The following NR5A1 variants were observed in gnomAD, a reference collection of about 807,000 sequenced individuals.
The protein encoded by NR5A1 is nuclear receptor subfamily 5 group A member 1.
NR5A1 carries 6 observed loss-of-function variants against 42.7 expected under a neutral mutation model. The ratio of observed to expected loss-of-function variants is 0.14; its 90% CI spans 0.08 to 0.28. The LOEUF is 0.28. Ranked by LOEUF, NR5A1 falls within the 10% of genes least tolerant of loss-of-function variation. The pLI, the probability that NR5A1 is intolerant of heterozygous loss-of-function variation, is 1.00. For missense variants in NR5A1, 442 were observed against 626.4 expected (o/e 0.71, Z 3.14); for synonymous variants, 274 against 277.5 (o/e 0.99, Z 0.12).
chr9:124,484,571 T>C (rs957426208), intron 6 of NR5A1, among the ~76,000 whole-genome samples: 1 of 151,974 alleles, frequency 6.6e-6, no homozygotes, highest in African/African-American at 2.4e-5. Flanking sequence ...GCCAACATGG[T>C]GAAACCCCAT....
At position 124,503,224 on chromosome 9, in the gene NR5A1, C is replaced by A. The variant is rs750148726; in HGVS notation, c.103-4G>T. ...GCACCGTGCGCTTGAAGAAGCCCTG[C>A]GGGAGCTGAGAGTCAGCGAGGCCCC... On this transcript the variant is annotated splice_polypyrimidine_tract_variant and splice_region_variant and intron_variant, in intron 2 of 6. Transcript: ENST00000373588. The surrounding 1 kb of genome is among the most constrained non-coding windows in gnomAD (Gnocchi z 9.6). 1.1e-5 allele frequency: 17 copies of A among 1,597,526 alleles called. No individual in the cohort carries two copies. Among genetic ancestry groups the A allele is most frequent in the African/African-American group, 1.3e-5 (1 of 74,298 alleles).
chr9:124,492,902 G>C (rs1832338397), intron 5 of NR5A1, 128 bp downstream of exon 5: 4 of 1,149,316 alleles, frequency 3.5e-6, no homozygotes. Context: ...CGTGGGGAAA[G>C]GGCTGATAAT....
At position 124,493,209 on chromosome 9, in the gene NR5A1, C is replaced by A; in HGVS notation, c.871-60G>T. On this transcript the variant is annotated intron_variant, in intron 4 of 6. Coordinates refer to ENST00000373588, the MANE Select transcript of NR5A1 (RefSeq NM_004959.5). ...AGCCAGGGTCCAGGGACCTTCCTCTCACCCCTTCTCCTCCCACTGAGACCC... is the reference window on the plus strand; with the variant it reads ...AGCCAGGGTCCAGGGACCTTCCTCTAACCCCTTCTCCTCCCACTGAGACCC... 2.6e-6 allele frequency: 4 copies of A among 1,563,920 alleles called. No individual in the cohort carries two copies. In the South Asian group the frequency reaches 4.7e-5, roughly 18 times the overall value.
chr9:124,497,704 A>C (rs959580312), intron 4 of NR5A1, among the ~76,000 whole-genome samples: 22 of 152,104 alleles, frequency 1.4e-4, no homozygotes, highest in Non-Finnish European at 2.6e-4. Flanking sequence ...CTGCCCAAGG[A>C]CCCACTCCTG....
chr9:124,504,384 G>GA (rs1402942855), intron 1 of NR5A1, among the ~76,000 whole-genome samples: 24 of 152,074 alleles, frequency 1.6e-4, no homozygotes, highest in Non-Finnish European at 2.8e-4. Flanking sequence ...GCAGGAGGCG[G>GA]AAAACGACGG....
chr9:124,489,535 A>C (rs551733222), intron 6 of NR5A1, among the ~76,000 whole-genome samples: 1 of 152,366 alleles, frequency 6.6e-6, no homozygotes, highest in African/African-American at 2.4e-5. Flanking sequence ...TAATTCCTGC[A>C]GGCTCCACGC....
At position 124,500,024 on chromosome 9, in the gene NR5A1, G is replaced by T; in HGVS notation, c.870+66C>A. Reference sequence around the variant, plus strand: ...GGATGGCCCTATCCAAAGGACAGTCGGGCTAAGGCTTGGGCAGCCGGGAGG... The same window carrying T: ...GGATGGCCCTATCCAAAGGACAGTCTGGCTAAGGCTTGGGCAGCCGGGAGG... On this transcript the variant is annotated intron_variant, in intron 4 of 6. Coordinates refer to ENST00000373588, the MANE Select transcript of NR5A1 (RefSeq NM_004959.5). This position sits in a 1 kb window ranked among gnomAD's most constrained non-coding sequence, Gnocchi z 6.9. 2 of 1,610,798 alleles carry T rather than the reference G, an allele frequency of 1.2e-6. No individual in the cohort carries two copies. Among genetic ancestry groups the T allele is most frequent in the South Asian group, 2.2e-5 (2 of 90,834 alleles).
chr9:124,487,555 G>A (rs760543551), intron 6 of NR5A1, among the ~76,000 whole-genome samples: 19 of 152,258 alleles, frequency 1.2e-4, no homozygotes, highest in Admixed American at 5.2e-4. Flanking sequence ...GCGCCCTCCC[G>A]AGACGGCTAT....
intron 3 of NR5A1, among the ~76,000 whole-genome samples, chr9:124,502,655 C>A (rs1332616219): frequency 1.3e-5 from 2 of 152,192 alleles, no homozygotes; most frequent in Admixed American, 1.3e-4. Flanking sequence ...GGGAAATCTG[C>A]GGTTTAGAGA....
At chr9:124,488,075 A>G (rs1832249866) in intron 6 of NR5A1, among the ~76,000 whole-genome samples, 1 of 149,992 alleles carries the variant, frequency 6.7e-6, no homozygotes, top group Admixed American at 6.6e-5. Flanking sequence ...GCCACACAGA[A>G]CTTTCAGGAT....
chr9:124,491,051 C>T (rs1832299804), intron 6 of NR5A1, 30 bp downstream of exon 6: 1 of 610,914 alleles, frequency 1.6e-6, no homozygotes, highest in African/African-American at 2.0e-5. Flanking sequence ...CTGGCTGTCT[C>T]CACCTCTCTG....
Position 124,496,632 on chromosome 9 carries a change from C to T in NR5A1, c.870+3458G>A, listed in dbSNP as rs1253899313. On this transcript the variant is annotated intron_variant, in intron 4 of 6. Coordinates refer to ENST00000373588, the MANE Select transcript of NR5A1 (RefSeq NM_004959.5). The surrounding 1 kb of genome is among the most constrained non-coding windows in gnomAD (Gnocchi z 5.0). ...GGTGGGCTGTGTAATTCTCTGGTGG[C>T]TGACACACCACGGGCTGGCCACTGC... is the stretch of plus-strand genomic sequence containing the variant. 6.6e-6 allele frequency among the ~76,000 whole-genome samples: 1 copy of T among 152,186 alleles called. No individual in the cohort carries two copies. The highest frequency in any genetic ancestry group is 1.5e-5 in the Non-Finnish European group (1 of 68,020).
rs984759047 is a variant in NR5A1 at position 124,501,052 on chromosome 9, C to G, written c.245-337G>C. 3.4e-6 allele frequency: 2 copies of G among 590,352 alleles called. No homozygotes were observed. Among genetic ancestry groups the G allele is most frequent in the Non-Finnish European group, 6.6e-6 (2 of 304,902 alleles). 36.6% of individuals were successfully genotyped at this position (590,352 alleles called of 1,614,324 possible). ...CTCTTGTGCTTGCTGAACACCCAGC[C>G]TCAATGTCACTACTTCCAGGAAGCA... On this transcript the variant is annotated intron_variant, in intron 3 of 6. Transcript: ENST00000373588. This position sits in a 1 kb window ranked among gnomAD's most constrained non-coding sequence, Gnocchi z 4.1.
rs369688013 is a variant in NR5A1 at position 124,503,341 on chromosome 9, T to G, written c.55A>C (p.Lys19Gln). Residue 19 changes from lysine to glutamine, a missense_variant, in exon 2 of 7, where the codon AAG (lysine) becomes CAG (glutamine). Physicochemically the swap from Lys to Gln is moderately conservative, Grantham distance 53. Coordinates refer to ENST00000373588, the MANE Select transcript of NR5A1 (RefSeq NM_004959.5). The surrounding 1 kb of genome is among the most constrained non-coding windows in gnomAD (Gnocchi z 9.6). ...AGTCCGTAGTGGTAGCCGGACACCTTGTCCCCGCACACGGGGCACAGCTCG... is the reference window on the plus strand; with the variant it reads ...AGTCCGTAGTGGTAGCCGGACACCTGGTCCCCGCACACGGGGCACAGCTCG... ...LDELCPVCGD[K>Q]VSGYHYGLLT... is the part of the protein sequence containing the mutation. 6.2e-7 allele frequency: 1 copy of G among 1,611,758 alleles called. No individual in the cohort carries two copies. The highest frequency in any genetic ancestry group is 8.5e-7 in the Non-Finnish European group (1 of 1,179,558).
intron 3 of NR5A1, among the ~76,000 whole-genome samples, chr9:124,502,286 TTTTC>T (rs1367521010): frequency 3.9e-5 from 6 of 152,192 alleles, no homozygotes; most frequent in African/African-American, 4.8e-5. Context: ...CCCATTTTTC[TTTTC>T]TTTCTTTCTC....
intron 6 of NR5A1, among the ~76,000 whole-genome samples, chr9:124,486,750 C>G (rs977197597): frequency 6.6e-6 from 1 of 152,212 alleles, no homozygotes; most frequent in Non-Finnish European, 1.5e-5. Context: ...CAGCGGATAA[C>G]ACATGTGACG....
chr9:124,494,565 G>C (rs1188597534), intron 4 of NR5A1, among the ~76,000 whole-genome samples: 1 of 152,208 alleles, frequency 6.6e-6, no homozygotes, highest in Non-Finnish European at 1.5e-5. Flanking sequence ...AGGCAGAACT[G>C]GTGTTCAGCT....
chr9:124,484,030 C>T (rs1832170603), intron 6 of NR5A1, among the ~76,000 whole-genome samples: 1 of 152,128 alleles, frequency 6.6e-6, no homozygotes, highest in African/African-American at 2.4e-5. Flanking sequence ...GCCTGGCCTA[C>T]CTTAAATGTG....
At position 124,482,850 on chromosome 9, in the gene NR5A1, G is replaced by A; in HGVS notation, c.1294C>T (p.Gln432Ter). 6.2e-7 allele frequency: 1 copy of A among 1,613,916 alleles called. No individual in the cohort carries two copies. Among genetic ancestry groups the A allele is most frequent in the Non-Finnish European group, 8.5e-7 (1 of 1,179,972 alleles). The change falls in exon 7 of 7, where the codon CAG (glutamine) becomes TAG (stop). Residue 432 changes from glutamine to a stop codon, truncating the protein, a stop_gained. Transcript: ENST00000373588. LOFTEE classifies it high-confidence loss of function. ...CLVEVRALSM[Q>*]AKEYLYHKHL... ...TTGTGGTACAGGTACTCCTTGGCCT[G>A]CATGCTCAGGGCCCGCACCTCCACC...
Sources: gnomAD v4.1 joint callset for allele counts (sites outside exome capture counted in the v4.1 genomes callset) on GRCh38, gnomAD v4.1.1 for gene constraint, Gnocchi (gnomAD v3.1) non-coding constraint, MANE v1.5 for transcripts, NCBI Gene and HGNC (gene_info 2026-07-23, HGNC 2026-07-21) for gene names.